Variants in SLC35F4 observed in about 807,000 individuals in gnomAD.
SLC35F4 encodes solute carrier family 35 member F4, also known as chromosome 14 open reading frame 36.
In SLC35F4, 24 loss-of-function variants were observed where a neutral mutation model predicts 44.2. The ratio of observed to expected loss-of-function variants is 0.54; its 90% CI spans 0.39 to 0.76. The LOEUF is 0.76. Among genes scored for constraint, SLC35F4 ranks in the 30% least tolerant of loss-of-function variants. SLC35F4 has a pLI of 0.00. For missense variants in SLC35F4, 562 were observed against 586.1 expected (o/e 0.96, Z 0.42); for synonymous variants, 238 against 223.6 (o/e 1.06, Z -0.57).
chr14:57,705,388 A>G (rs1402355463), intron 1 of SLC35F4, among the ~76,000 whole-genome samples: 2 of 152,210 alleles, frequency 1.3e-5, no homozygotes, highest in Non-Finnish European at 2.9e-5. Flanking sequence ...CTAATTGTAT[A>G]CTTCCTGTGC....
At chr14:57,934,954 C>A (rs1889770414) in intron 1 of SLC35F4, among the ~76,000 whole-genome samples, 1 of 152,120 alleles carries the variant, frequency 6.6e-6, no homozygotes, top group Admixed American at 6.6e-5. Context: ...CTTTGAATAC[C>A]TTTCCCTGTG....
chr14:57,936,056 A>G (rs1335524), intron 1 of SLC35F4, among the ~76,000 whole-genome samples: 14,113 of 152,218 alleles, frequency 0.093, 2,005 homozygotes, highest in African/African-American at 0.3. Context: ...CACGCTGAAT[A>G]CAGACCTCAA....
intron 1 of SLC35F4, among the ~76,000 whole-genome samples, chr14:57,917,598 C>T (rs1307532354): frequency 6.6e-6 from 1 of 151,986 alleles, no homozygotes; most frequent in Non-Finnish European, 1.5e-5. Flanking sequence ...GTAAATCAGC[C>T]TTTAGTAATA....
chr14:57,808,931 C>A (rs79527076), intron 1 of SLC35F4, among the ~76,000 whole-genome samples: 1 of 49,250 alleles, frequency 2.0e-5, no homozygotes, highest in African/African-American at 2.4e-4. Context: ...ATCCATTGTT[C>A]TTCTTTTTTT....
chr14:57,768,792 G>A (rs750085073), intron 1 of SLC35F4, among the ~76,000 whole-genome samples: 3 of 151,490 alleles, frequency 2.0e-5, no homozygotes, highest in Non-Finnish European at 4.4e-5. Context: ...TTGCTCGGTC[G>A]CCCAGGCTAG....
intron 1 of SLC35F4, among the ~76,000 whole-genome samples, chr14:57,827,898 C>A (rs1452330615): frequency 6.6e-6 from 1 of 151,940 alleles, no homozygotes; most frequent in African/African-American, 2.4e-5. Context: ...AAAGCATGAA[C>A]CTCAGCTGAA....
At chr14:57,954,377 A>G (rs959142905) in intron 1 of SLC35F4, among the ~76,000 whole-genome samples, 2 of 152,198 alleles carry the variant, frequency 1.3e-5, no homozygotes, top group African/African-American at 4.8e-5. Context: ...GAGAAGCAAG[A>G]GCAAACAAAT....
At chr14:57,593,905 T>G in intron 2 of SLC35F4, 34 bp downstream of exon 2, 3 of 1,606,592 alleles carry the variant, frequency 1.9e-6, no homozygotes, top group Non-Finnish European at 2.6e-6. Context: ...CTTACTAGGA[T>G]GTACCGTTAT....
At chr14:57,577,663 CT>C (rs547716979) in intron 4 of SLC35F4, among the ~76,000 whole-genome samples, 214 of 129,486 alleles carry the variant, frequency 1.7e-3, no homozygotes, top group Non-Finnish European at 2.1e-3. Flanking sequence ...TGGGAAGAAC[CT>C]TTTTTTAAAA....
At chr14:57,883,597 T>G (rs940436320) in intron 1 of SLC35F4, among the ~76,000 whole-genome samples, 2 of 152,200 alleles carry the variant, frequency 1.3e-5, no homozygotes, top group African/African-American at 4.8e-5. Context: ...ATCAAATGTA[T>G]AATTTAAGGA....
chr14:57,718,470 T>A (rs2075999582), intron 1 of SLC35F4, among the ~76,000 whole-genome samples: 1 of 152,212 alleles, frequency 6.6e-6, no homozygotes, highest in Admixed American at 6.5e-5. Context: ...CAACAGTGTA[T>A]GAGGATTCTC....
intron 4 of SLC35F4, among the ~76,000 whole-genome samples, chr14:57,580,690 C>T (rs1266945582): frequency 2.6e-5 from 4 of 152,068 alleles, no homozygotes; most frequent in Admixed American, 2.0e-4. Context: ...GCTTGTACTT[C>T]CATTTCTGCA....
intron 1 of SLC35F4, among the ~76,000 whole-genome samples, chr14:57,784,274 C>CTTT (rs2077702044): frequency 1.3e-5 from 2 of 152,152 alleles, no homozygotes; most frequent in South Asian, 4.1e-4. Flanking sequence ...GACAATCTGG[C>CTTT]TAAAGGGTCC....
chr14:57,750,837 G>C (rs2076867324), intron 1 of SLC35F4, among the ~76,000 whole-genome samples: 1 of 152,130 alleles, frequency 6.6e-6, no homozygotes, highest in African/African-American at 2.4e-5. Flanking sequence ...CCATTCTGTG[G>C]TTAATTTGTA....
intron 1 of SLC35F4, among the ~76,000 whole-genome samples, chr14:57,710,265 T>C (rs1566785154): frequency 6.6e-6 from 1 of 152,230 alleles, no homozygotes; most frequent in African/African-American, 2.4e-5. Flanking sequence ...TTTCACATGG[T>C]GTTGAGCCTG....
At chr14:57,680,225 A>G (rs918613394) in intron 1 of SLC35F4, among the ~76,000 whole-genome samples, 1 of 152,144 alleles carries the variant, frequency 6.6e-6, no homozygotes, top group African/African-American at 2.4e-5. Context: ...CTACATTAGC[A>G]AATCAATAAA....
intron 1 of SLC35F4, among the ~76,000 whole-genome samples, chr14:57,653,485 G>A (rs929670156): frequency 1.3e-5 from 2 of 152,186 alleles, no homozygotes; most frequent in Non-Finnish European, 2.9e-5. Context: ...TTGGTGGGTC[G>A]GGGGAGCCCA....
intron 1 of SLC35F4, among the ~76,000 whole-genome samples, chr14:57,726,142 G>A (rs1215425269): frequency 6.6e-6 from 1 of 152,154 alleles, no homozygotes; most frequent in Non-Finnish European, 1.5e-5. Flanking sequence ...CACAACAGAG[G>A]CAAGGAAGAG....
intron 1 of SLC35F4, among the ~76,000 whole-genome samples, chr14:57,805,719 T>C (rs894000197): frequency 1.3e-5 from 2 of 152,314 alleles, no homozygotes; most frequent in Admixed American, 6.5e-5. Flanking sequence ...CAAACCACCA[T>C]GGCACACGTT....
Sources: gnomAD v4.1 joint callset for allele counts (sites outside exome capture counted in the v4.1 genomes callset) on GRCh38, gnomAD v4.1.1 for gene constraint, MANE v1.5 for transcripts, NCBI Gene and HGNC (gene_info 2026-07-23, HGNC 2026-07-21) for gene names.